PDZD9: variants seen among roughly 807,000 people sequenced by gnomAD.
PDZD9 encodes PDZ domain containing 9.
PDZD9 carries 13 observed loss-of-function variants against 16.3 expected under a neutral mutation model. The ratio of observed to expected loss-of-function variants is 0.80; its 90% CI spans 0.52 to 1.27. The LOEUF (loss-of-function observed/expected upper bound fraction) is 1.27. PDZD9 is among the 50% of genes most tolerant of loss of function. The pLI, the probability that PDZD9 is intolerant of heterozygous loss-of-function variation, is 0.00. For synonymous variants in PDZD9, 120 were observed against 111.0 expected, an observed-to-expected ratio of 1.08 and a Z score of -0.51; for missense variants, 288 against 310.9, an observed-to-expected ratio of 0.93 and a Z score of 0.55.
At chr16:21,979,357 C>T (rs1898659847), downstream of PDZD9, among the ~76,000 whole-genome samples, 2 of 152,164 alleles carry the variant, frequency 1.3e-5, no homozygotes, top group African/African-American at 4.8e-5. Context: ...AGTCATGGGT[C>T]ACATAACGAT....
Position 21,987,186 on chromosome 16 carries a change from G to A in PDZD9, c.401+1416C>T, listed in dbSNP as rs1016255891. 7.2e-5 allele frequency among the ~76,000 whole-genome samples: 11 copies of A among 152,288 alleles called. No homozygotes were observed. In the East Asian group the frequency reaches 7.7e-4, roughly 11 times the overall value. On this transcript the variant is annotated intron_variant, in intron 3 of 3. Transcript: ENST00000424898. Reference sequence around the variant, plus strand: ...CTGTAATCCAACACTTTGAGAGGCCGAGGCAGGCAGATCACCTGAGGTCAG... The same window carrying A: ...CTGTAATCCAACACTTTGAGAGGCCAAGGCAGGCAGATCACCTGAGGTCAG...
the PDZD9 span, chr16:21,963,333 C>A: frequency 6.6e-6 from 1 of 152,278 alleles, no homozygotes; most frequent in African/African-American, 2.4e-5. Flanking sequence ...ATATCTTTTT[C>A]AAAAATTTGT....
At chr16:21,965,378 T>C in the PDZD9 span, 2 of 1,605,540 alleles carry the variant, frequency 1.2e-6, no homozygotes, top group South Asian at 2.2e-5. Flanking sequence ...AAAGTGCATT[T>C]CCCTAAATGC....
At chr16:21,968,473 C>T in the PDZD9 span, 1 of 502,046 alleles carries the variant, frequency 2.0e-6, no homozygotes, top group Non-Finnish European at 3.4e-6. Flanking sequence ...TAATAAAATC[C>T]CAGGGTAATT....
downstream of PDZD9, among the ~76,000 whole-genome samples, chr16:21,982,889 G>GGGAGGC (rs1412001705): frequency 5.9e-5 from 9 of 151,422 alleles, no homozygotes; most frequent in Admixed American, 6.6e-5. Context: ...GCTTGAACCT[G>GGGAGGC]GGAGGCGGAG....
the PDZD9 span, chr16:21,968,594 A>T: frequency 6.4e-7 from 1 of 1,560,800 alleles, no homozygotes; most frequent in Non-Finnish European, 8.7e-7. Context: ...TATTTATGCT[A>T]ATATAACCTA....
chr16:21,958,635 C>G, the PDZD9 span: 2 of 1,561,306 alleles, frequency 1.3e-6, no homozygotes, highest in Non-Finnish European at 1.8e-6. Flanking sequence ...AGTGAAAATG[C>G]CAGAAAATAT....
chr16:21,988,840 A>G, intron 2 of PDZD9, 49 bp from the exon 3 acceptor site: 1 of 1,441,160 alleles, frequency 6.9e-7, no homozygotes, highest in Non-Finnish European at 9.4e-7. Context: ...GTTTAAAGGG[A>G]CTATATTGAT....
At chr16:21,962,002 T>C in the PDZD9 span, among the ~76,000 whole-genome samples, 1 of 152,034 alleles carries the variant, frequency 6.6e-6, no homozygotes, top group Non-Finnish European at 1.5e-5. Context: ...TCAGCAACCA[T>C]CACCAACATT....
intron 3 of PDZD9, among the ~76,000 whole-genome samples, chr16:21,986,960 G>A (rs1597975890): frequency 6.6e-6 from 1 of 152,212 alleles, no homozygotes; most frequent in East Asian, 1.9e-4. Flanking sequence ...GGGGGCTAGA[G>A]AAGGATGGGG....
chr16:21,980,591 A>C, downstream of PDZD9: 1 of 1,614,112 alleles, frequency 6.2e-7, no homozygotes, highest in Non-Finnish European at 8.5e-7. Flanking sequence ...GAGTCTTCTG[A>C]GTGTTTCCTG....
the PDZD9 span, among the ~76,000 whole-genome samples, chr16:21,960,046 C>T: frequency 6.6e-6 from 1 of 152,176 alleles, no homozygotes; most frequent in Non-Finnish European, 1.5e-5. Flanking sequence ...TAAATGACCT[C>T]ATCCTAAAGT....
At position 21,997,991 on chromosome 16, in the gene PDZD9, A is replaced by T. The variant is rs555362902; in HGVS notation, c.32-1490T>A. ...TTCATGGCCCTTTCCTCTAAAGCAA[A>T]TGTCCTTGCCCATCTCCAACCTCAC... On this transcript the variant is annotated intron_variant, in intron 1 of 3. Transcript: ENST00000424898. 1.8e-3 allele frequency among the ~76,000 whole-genome samples: 271 copies of T among 152,216 alleles called. 1 individual carries two copies. The highest frequency in any genetic ancestry group is 2.9e-3 in the Non-Finnish European group (197 of 68,012).
At chr16:21,975,692 C>T in the PDZD9 span, among the ~76,000 whole-genome samples, 1 of 152,178 alleles carries the variant, frequency 6.6e-6, no homozygotes, top group Non-Finnish European at 1.5e-5. Context: ...GTATGGATTA[C>T]TACTCTCTTC....
chr16:21,967,662 A>G, the PDZD9 span, among the ~76,000 whole-genome samples: 1 of 152,148 alleles, frequency 6.6e-6, no homozygotes, highest in Non-Finnish European at 1.5e-5. Flanking sequence ...TTCCACATTT[A>G]ATATTTTATA....
At chr16:21,983,180 C>A (rs1268101617), downstream of PDZD9, 3 of 1,611,662 alleles carry the variant, frequency 1.9e-6, no homozygotes, top group Admixed American at 5.0e-5. Flanking sequence ...AATACTGATG[C>A]ACACATTACA....
intron 1 of PDZD9, among the ~76,000 whole-genome samples, chr16:21,998,117 G>A (rs1899195651): frequency 6.6e-6 from 1 of 152,198 alleles, no homozygotes; most frequent in African/African-American, 2.4e-5. Flanking sequence ...GGGAGCAACT[G>A]GGGGCAGGAT....
At chr16:21,976,075 A>G in the PDZD9 span, 3 of 791,716 alleles carry the variant, frequency 3.8e-6, no homozygotes, top group Non-Finnish European at 6.5e-6. Flanking sequence ...CTAACCTTCC[A>G]TCTGTGTTTT....
the PDZD9 span, chr16:21,972,113 G>A: frequency 6.2e-7 from 1 of 1,613,254 alleles, no homozygotes; most frequent in Non-Finnish European, 8.5e-7. Context: ...CAACTCAGCA[G>A]CCATTTGATG....
Sources: allele counts gnomAD v4.1 joint callset (sites outside exome capture counted in the v4.1 genomes callset), GRCh38; gene constraint gnomAD v4.1.1; transcripts MANE v1.5; gene names NCBI Gene and HGNC (gene_info 2026-07-23, HGNC 2026-07-21).